The following ANO4 variants were observed in gnomAD, a reference collection of about 807,000 sequenced individuals.
ANO4 encodes the protein anoctamin-4.
ANO4 carries 69 observed loss-of-function variants against 141.9 expected under a neutral mutation model. The ratio of observed to expected loss-of-function variants is 0.49; its 90% CI spans 0.40 to 0.59. ANO4 has a LOEUF of 0.59. Among genes scored for constraint, ANO4 ranks in the 20% least tolerant of loss-of-function variants. The pLI, the probability that ANO4 is intolerant of heterozygous loss-of-function variation, is 0.00. For synonymous variants in ANO4, 350 were observed against 394.3 expected, an observed-to-expected ratio of 0.89 and a Z score of 1.33; for missense variants, 894 against 1,162.2, an observed-to-expected ratio of 0.77 and a Z score of 3.36.
At chr12:100,982,766 A>T (rs1259230474) in intron 7 of ANO4, among the ~76,000 whole-genome samples, 2 of 152,236 alleles carry the variant, frequency 1.3e-5, no homozygotes, top group Admixed American at 1.3e-4. Context: ...TCCAAAGTCC[A>T]TCATTGTATA....
intron 8 of ANO4, among the ~76,000 whole-genome samples, chr12:100,988,950 C>T (rs939978556): frequency 1.3e-5 from 2 of 151,410 alleles, no homozygotes; most frequent in Admixed American, 6.6e-5. Flanking sequence ...GCAGGGAGTG[C>T]CAGGTGGGGA....
chr12:100,805,599 T>C (rs1250677065), intron 1 of ANO4, among the ~76,000 whole-genome samples: 1 of 152,220 alleles, frequency 6.6e-6, no homozygotes, highest in Non-Finnish European at 1.5e-5. Context: ...GCATTGATTA[T>C]ACCTATCCAT....
chr12:101,031,983 A>G (rs1029180755), intron 9 of ANO4, among the ~76,000 whole-genome samples: 7 of 152,216 alleles, frequency 4.6e-5, no homozygotes, highest in African/African-American at 1.2e-4. Context: ...GGAAAAATCA[A>G]TATTGTAAAA....
chr12:101,080,625 G>A (rs1450048868), intron 15 of ANO4, among the ~76,000 whole-genome samples: 8 of 151,718 alleles, frequency 5.3e-5, no homozygotes, highest in Non-Finnish European at 8.8e-5. Context: ...CCAGGAGTTC[G>A]AGACCAGCCT....
intron 1 of ANO4, among the ~76,000 whole-genome samples, chr12:100,799,259 T>C (rs1383241341): frequency 6.6e-6 from 1 of 152,204 alleles, no homozygotes; most frequent in Non-Finnish European, 1.5e-5. Context: ...TGACCCATAT[T>C]AGACATTCCT....
chr12:101,061,224 T>C (rs548272839), intron 14 of ANO4, among the ~76,000 whole-genome samples: 7 of 152,336 alleles, frequency 4.6e-5, no homozygotes, highest in Admixed American at 1.3e-4. Context: ...CTCTTCTGGC[T>C]TGTAGGGTTT....
chr12:101,063,767 T>TTTTTTTTTTTTTTTTTC (rs2048454247), intron 14 of ANO4, among the ~76,000 whole-genome samples: 1 of 142,144 alleles, frequency 7.0e-6, no homozygotes. Context: ...TTTTTTTTTT[T>TTTTTTTTTTTTTTTTTC]TTTTTTTTTT....
intron 1 of ANO4, among the ~76,000 whole-genome samples, chr12:100,820,424 A>G (rs1040200966): frequency 5.3e-5 from 8 of 151,794 alleles, no homozygotes; most frequent in African/African-American, 1.9e-4. Context: ...GACAGAGCAC[A>G]AGCAGGGAAT....
At chr12:101,110,186 C>G (rs1452233078) in intron 22 of ANO4, among the ~76,000 whole-genome samples, 1 of 152,114 alleles carries the variant, frequency 6.6e-6, no homozygotes, top group East Asian at 1.9e-4. Flanking sequence ...AGATCTGGAT[C>G]CTAGGTGTGC....
At chr12:100,929,168 T>C (rs984930352) in intron 3 of ANO4, among the ~76,000 whole-genome samples, 1 of 152,114 alleles carries the variant, frequency 6.6e-6, no homozygotes, top group African/African-American at 2.4e-5. Context: ...TAAGTTATTA[T>C]TGACTCTAGT....
At chr12:101,049,549 GGATA>G (rs1476461747) in intron 14 of ANO4, among the ~76,000 whole-genome samples, 2 of 150,514 alleles carry the variant, frequency 1.3e-5, no homozygotes, top group Non-Finnish European at 3.0e-5. Context: ...GTGGGTCAAT[GGATA>G]GATAGGTGGA....
chr12:100,785,608 T>A (rs1391100008), intron 3 of ANO4, among the ~76,000 whole-genome samples: 1 of 152,200 alleles, frequency 6.6e-6, no homozygotes, highest in Non-Finnish European at 1.5e-5. Flanking sequence ...TAATATTCCA[T>A]TGTCTGGATA....
intron 1 of ANO4, among the ~76,000 whole-genome samples, chr12:100,864,232 A>G (rs913599088): frequency 3.9e-5 from 6 of 152,134 alleles, no homozygotes; most frequent in Non-Finnish European, 8.8e-5. Context: ...TTTGAAAGTC[A>G]ATATTCTAAT....
chr12:100,874,235 C>T (rs1332208219), intron 1 of ANO4, among the ~76,000 whole-genome samples: 1 of 152,164 alleles, frequency 6.6e-6, no homozygotes, highest in Non-Finnish European at 1.5e-5. Context: ...TTGGAGTCCC[C>T]CACACAGAGT....
intron 15 of ANO4, among the ~76,000 whole-genome samples, chr12:101,082,802 T>C (rs2049337967): frequency 1.3e-5 from 2 of 152,212 alleles, no homozygotes; most frequent in South Asian, 4.1e-4. Flanking sequence ...TTCATCCGAA[T>C]CTTGACCATT....
At chr12:101,002,499 C>A (rs776319164) in intron 8 of ANO4, among the ~76,000 whole-genome samples, 41 of 152,226 alleles carry the variant, frequency 2.7e-4, no homozygotes, top group Admixed American at 6.5e-4. Flanking sequence ...CTTCTCCCCC[C>A]AGCCTTTTGG....
chr12:100,724,144 A>G (rs2030997553), intron 1 of ANO4, among the ~76,000 whole-genome samples: 2 of 152,242 alleles, frequency 1.3e-5, no homozygotes, highest in South Asian at 4.1e-4. Context: ...CAGTGAATCA[A>G]GTAGGTGTAA....
chr12:100,942,280 G>A, intron 4 of ANO4, 97 bp from the exon 5 acceptor site: 6 of 1,445,266 alleles, frequency 4.2e-6, no homozygotes, highest in Non-Finnish European at 5.6e-6. Context: ...CACCCGAACT[G>A]AAAAAAGTTA....
Position 100,869,757 on chromosome 12 carries a change from C to T in ANO4, c.-140-31889C>T, listed in dbSNP as rs140130942. ...TGTACATTCAGAGATTTCAGTTTCT[C>T]ATTTTCCTTTTGTACACCTTCTAAG... On this transcript the variant is annotated intron_variant, in intron 1 of 27. Coordinates refer to ENST00000392977, the MANE Select transcript of ANO4 (RefSeq NM_001286615.2). Among the ~76,000 whole-genome samples, 1,188 of 152,266 alleles carry T rather than the reference C, an allele frequency of 7.8e-3. 8 individuals are homozygous for T. The highest frequency in any genetic ancestry group is 0.031 in the Middle Eastern group (9 of 294).
Sources: allele counts gnomAD v4.1 joint callset (sites outside exome capture counted in the v4.1 genomes callset), GRCh38; gene constraint gnomAD v4.1.1; transcripts MANE v1.5; gene names NCBI Gene and HGNC (gene_info 2026-07-23, HGNC 2026-07-21).